The following USH2A variants were observed in gnomAD, a reference collection of about 807,000 sequenced individuals.
The protein encoded by USH2A is usherin.
Under a neutral mutation model 538.9 loss-of-function variants are expected in USH2A, and 443 were observed. The observed-to-expected ratio is 0.82, with a 90% CI of 0.76 to 0.89. USH2A has a LOEUF of 0.89. Among genes scored for constraint, USH2A ranks in the 40% least tolerant of loss-of-function variants. USH2A has a pLI of 0.00. For synonymous variants in USH2A, 2,413 were observed against 2,273.5 expected (o/e 1.06, Z -1.75); for missense variants, 6,633 against 6,324.8 (o/e 1.05, Z -1.65).
chr1:216,208,421 G>A (rs996205622), intron 15 of USH2A, among the ~76,000 whole-genome samples: 3 of 151,896 alleles, frequency 2.0e-5, no homozygotes, highest in African/African-American at 4.8e-5. Context: ...GTAAATGTAA[G>A]GTACAGAAAA....
intron 21 of USH2A, among the ~76,000 whole-genome samples, chr1:216,102,660 C>T (rs1250264052): frequency 6.6e-6 from 1 of 151,934 alleles, no homozygotes; most frequent in African/African-American, 2.4e-5. Context: ...ATTAGCCGGG[C>T]GTCGTGGCGG....
chr1:215,767,811 T>G (rs1661174266), intron 55 of USH2A, among the ~76,000 whole-genome samples: 1 of 152,168 alleles, frequency 6.6e-6, no homozygotes, highest in Non-Finnish European at 1.5e-5. Flanking sequence ...GAAGCAACTT[T>G]AAAGCTCAGC....
chr1:215,634,699 C>A lies in USH2A; in HGVS notation c.15057G>T (p.Leu5019Phe). The A allele has an allele frequency of 6.2e-7, 1 of 1,614,232 alleles. No individual in the cohort carries two copies. Among genetic ancestry groups the A allele is most frequent in the Non-Finnish European group, 8.5e-7 (1 of 1,180,050 alleles). ...TCTTTTTCCCAGGAGTTGTTAGGAC[C>A]AAGCCTGCAAAACCCAGAGAAAGAA... ...IQYDTSTGLG[L>F]VLTTPGKKKG... The change falls in exon 70 of 72, where the codon TTG becomes TTT. Residue 5019 changes from leucine (L) to phenylalanine (F), a missense_variant. Leu to Phe is a conservative substitution (Grantham distance 22). Coordinates refer to ENST00000307340, the MANE Select transcript of USH2A (RefSeq NM_206933.4).
chr1:216,248,891 CT>C (rs1377417156), intron 12 of USH2A, among the ~76,000 whole-genome samples: 1 of 151,884 alleles, frequency 6.6e-6, no homozygotes, highest in Non-Finnish European at 1.5e-5. Flanking sequence ...AGTTAGCACA[CT>C]TGGCATTTAA....
At chr1:215,724,600 C>T (rs11807336) in intron 61 of USH2A, among the ~76,000 whole-genome samples, 6,155 of 152,146 alleles carry the variant, frequency 0.04, 384 homozygotes, top group African/African-American at 0.13. Flanking sequence ...TTCACTTGGA[C>T]CCATTAAGTT....
intron 61 of USH2A, among the ~76,000 whole-genome samples, chr1:215,699,900 T>C (rs1221514039): frequency 6.6e-6 from 1 of 152,230 alleles, no homozygotes; most frequent in Non-Finnish European, 1.5e-5. Context: ...TCCAAGGGAA[T>C]GCTTCCAGCT....
At chr1:216,302,974 T>A (rs370248204) in intron 9 of USH2A, among the ~76,000 whole-genome samples, 13 of 152,196 alleles carry the variant, frequency 8.5e-5, no homozygotes, top group African/African-American at 2.9e-4. Context: ...GTCTAGTGGT[T>A]GAATGAGATG....
chr1:216,133,886 G>T (rs1212748517), intron 21 of USH2A, among the ~76,000 whole-genome samples: 2 of 152,012 alleles, frequency 1.3e-5, no homozygotes, highest in African/African-American at 2.4e-5. Context: ...CTCACTGATA[G>T]CTTAATTTCT....
chr1:216,317,414 G>A (rs1013281904), intron 9 of USH2A, among the ~76,000 whole-genome samples: 4 of 152,186 alleles, frequency 2.6e-5, no homozygotes, highest in Admixed American at 6.5e-5. Context: ...GCTGTGGGGG[G>A]AAGAGCATCA....
In USH2A at chr1:216,175,584, C is replaced by A; in HGVS notation, c.4397-102G>T. 3 of 1,078,256 alleles carry A rather than the reference C, an allele frequency of 2.8e-6. No individual in the cohort carries two copies. The African/African-American group carries it at 4.7e-5, about 17-fold the overall frequency. The allele number at this position is 1,078,256 out of a possible 1,614,324, so 66.8% of individuals were successfully genotyped here. A position where few individuals can be genotyped will look rare whatever the true frequency, so the allele number is the denominator to read the frequency against. ...ATATGTATTTGTATATATCACACTT[C>A]AAATCAAATCAGTTGTGGTTTCAAG... is the stretch of plus-strand genomic sequence containing the variant. On this transcript the variant is annotated intron_variant, in intron 20 of 71. Coordinates refer to ENST00000307340, the MANE Select transcript of USH2A (RefSeq NM_206933.4).
intron 32 of USH2A, among the ~76,000 whole-genome samples, chr1:216,010,358 C>G (rs1485429398): frequency 6.6e-6 from 1 of 152,108 alleles, no homozygotes; most frequent in South Asian, 2.1e-4. Flanking sequence ...CCATCTGTGC[C>G]GGACCCCACT....
intron 20 of USH2A, among the ~76,000 whole-genome samples, chr1:216,184,092 G>A (rs181405392): frequency 5.0e-4 from 76 of 152,118 alleles, no homozygotes; most frequent in Admixed American, 1.9e-3. Context: ...GTTTTGCACA[G>A]ATACTGTTTA....
Position 215,963,273 on chromosome 1 carries a change from C to T in USH2A, c.7120+2044G>A, listed in dbSNP as rs557444519. On this transcript the variant is annotated intron_variant, in intron 37 of 71. Transcript: ENST00000307340. ...TCCCTACCCTCAGTGTAAATGTCAC[C>T]CAGCTGCTGATGGGTGACAGGACAA... Among the ~76,000 whole-genome samples the T allele has an allele frequency of 5.3e-5, 8 of 151,936 alleles. No individual in the cohort carries two copies. The South Asian group carries it at 8.3e-4, about 16-fold the overall frequency.
intron 21 of USH2A, among the ~76,000 whole-genome samples, chr1:216,133,960 A>G (rs1166160694): frequency 6.6e-6 from 1 of 152,074 alleles, no homozygotes; most frequent in Non-Finnish European, 1.5e-5. Flanking sequence ...ATTGATTACA[A>G]TATTTGTACT....
chr1:216,204,768 C>T (rs1057397983), intron 16 of USH2A, among the ~76,000 whole-genome samples: 2 of 152,082 alleles, frequency 1.3e-5, no homozygotes, highest in African/African-American at 4.8e-5. Context: ...AAACATGAGG[C>T]TATTGTTAGA....
At chr1:215,897,467 A>C (rs143643663) in intron 40 of USH2A, among the ~76,000 whole-genome samples, 1,854 of 152,174 alleles carry the variant, frequency 0.012, 32 homozygotes, top group East Asian at 0.062. Context: ...CGGCTGGATC[A>C]CCTGAGGTCA....
chr1:215,801,692 C>T (rs1198426376), intron 49 of USH2A, among the ~76,000 whole-genome samples: 1 of 152,022 alleles, frequency 6.6e-6, no homozygotes, highest in Admixed American at 6.6e-5. Context: ...TGTTAAGGTG[C>T]CAGTACTGCT....
chr1:215,873,973 GTTC>G (rs1236581268), intron 43 of USH2A, among the ~76,000 whole-genome samples: 2 of 152,054 alleles, frequency 1.3e-5, no homozygotes, highest in Non-Finnish European at 2.9e-5. Flanking sequence ...ATTATAACTT[GTTC>G]TTCTTTAAAT....
chr1:215,627,684 C>A (rs1266989298), intron 71 of USH2A, among the ~76,000 whole-genome samples: 1 of 152,044 alleles, frequency 6.6e-6, no homozygotes, highest in South Asian at 2.1e-4. Context: ...CACCACCGCG[C>A]CCAGCTAATT....
Sources: allele counts gnomAD v4.1 joint callset (sites outside exome capture counted in the v4.1 genomes callset), GRCh38; gene constraint gnomAD v4.1.1; transcripts MANE v1.5; gene names NCBI Gene and HGNC (gene_info 2026-07-23, HGNC 2026-07-21).